Variants in SORCS3 observed in about 807,000 individuals in gnomAD.
SORCS3 encodes the protein VPS10 domain-containing receptor SorCS3.
Under a neutral mutation model 146.3 loss-of-function variants are expected in SORCS3, and 57 were observed. The ratio of observed to expected loss-of-function variants is 0.39; its 90% CI spans 0.31 to 0.49. The LOEUF (loss-of-function observed/expected upper bound fraction) is 0.49, where lower values mean the gene tolerates loss of function less well. SORCS3 is among the 20% of genes least tolerant of loss of function. The pLI is 0.92. For missense variants in SORCS3, 1,341 were observed against 1,575.5 expected (o/e 0.85, Z 2.52); for synonymous variants, 653 against 618.5 (o/e 1.06, Z -0.83).
chr10:104,828,609 A>G (rs1472668132), intron 1 of SORCS3, among the ~76,000 whole-genome samples: 1 of 152,150 alleles, frequency 6.6e-6, no homozygotes, highest in Non-Finnish European at 1.5e-5. Flanking sequence ...GCTGTTGGAA[A>G]CATGGTTCCA....
chr10:105,159,582 G>T (rs533589542), intron 11 of SORCS3, among the ~76,000 whole-genome samples: 136 of 152,324 alleles, frequency 8.9e-4, no homozygotes, highest in Admixed American at 8.9e-3. Flanking sequence ...AGTCTCCGGG[G>T]AGTATGCTCT....
chr10:104,802,981 C>T (rs568087003), intron 1 of SORCS3, among the ~76,000 whole-genome samples: 2 of 144,070 alleles, frequency 1.4e-5, no homozygotes, highest in East Asian at 4.2e-4. Context: ...GGAGGTAGTT[C>T]TGCTCCGCAA....
intron 5 of SORCS3, among the ~76,000 whole-genome samples, chr10:105,073,396 C>A (rs771140804): frequency 6.6e-6 from 1 of 152,178 alleles, no homozygotes; most frequent in Non-Finnish European, 1.5e-5. Context: ...ACGCTGGACA[C>A]AGGGTGTTCA....
At chr10:105,250,561 G>T (rs2119749051) in intron 22 of SORCS3, among the ~76,000 whole-genome samples, 1 of 152,212 alleles carries the variant, frequency 6.6e-6, no homozygotes, top group South Asian at 2.1e-4. Flanking sequence ...CCCTGACATT[G>T]TTCTTTCCTG....
chr10:105,090,170 G>T (rs761536445), intron 6 of SORCS3, among the ~76,000 whole-genome samples: 4 of 152,196 alleles, frequency 2.6e-5, no homozygotes, highest in Non-Finnish European at 5.9e-5. Context: ...ATGGCGAATT[G>T]CAAGGGCTGC....
intron 1 of SORCS3, among the ~76,000 whole-genome samples, chr10:104,838,377 C>T (rs1256216354): frequency 6.6e-6 from 1 of 152,112 alleles, no homozygotes; most frequent in Non-Finnish European, 1.5e-5. Context: ...TTCACTCCTC[C>T]CCAGTGGCGT....
intron 10 of SORCS3, 133 bp downstream of exon 10, chr10:105,157,417 G>A: frequency 9.6e-7 from 1 of 1,041,818 alleles, no homozygotes; most frequent in Non-Finnish European, 1.4e-6. Context: ...AAAACTTGCA[G>A]GGCATTGGTG....
intron 3 of SORCS3, among the ~76,000 whole-genome samples, chr10:104,919,382 A>G (rs1370877958): frequency 6.6e-6 from 1 of 150,446 alleles, no homozygotes; most frequent in Non-Finnish European, 1.5e-5. Flanking sequence ...TTTTTTTTAG[A>G]AAATAGCAAT....
chr10:104,767,968 GC>G (rs1485796805), intron 1 of SORCS3, among the ~76,000 whole-genome samples: 1 of 152,078 alleles, frequency 6.6e-6, no homozygotes, highest in African/African-American at 2.4e-5. Flanking sequence ...CCAGTACAGT[GC>G]ATACTAAGGG....
chr10:104,682,416 G>C (rs1021844984), intron 1 of SORCS3, among the ~76,000 whole-genome samples: 1 of 152,238 alleles, frequency 6.6e-6, no homozygotes, highest in Admixed American at 6.5e-5. Flanking sequence ...CCTGTAAAAA[G>C]GGGTTAATGA....
At chr10:105,119,170 C>A (rs114694454) in intron 7 of SORCS3, among the ~76,000 whole-genome samples, 13,129 of 152,196 alleles carry the variant, frequency 0.086, 690 homozygotes, top group Admixed American at 0.16. Flanking sequence ...TGAAAGGGAC[C>A]AATGTACAGC....
At chr10:104,642,022 G>GGGC in intron 1 of SORCS3, 68 bp downstream of exon 1, 4 of 173,336 alleles carry the variant, frequency 2.3e-5, no homozygotes, top group East Asian at 1.5e-4. Context: ...GGGTGGGTGG[G>GGGC]AGCGAGGGAC....
rs890031820 is a variant in SORCS3 at position 104,909,691 on chromosome 10, A to G, written c.696-6142A>G. Among the ~76,000 whole-genome samples the G allele has an allele frequency of 5.9e-5, 9 of 152,108 alleles. 2 individuals are homozygous for G. In the South Asian group the frequency reaches 1.7e-3, roughly 28 times the overall value. ...CCCCGTGAGAGCTGGCAGAGTGTCT[A>G]TCTCTGGCCAGAATGGGGCATTAGG... On this transcript the variant is annotated intron_variant, in intron 2 of 26. Coordinates refer to ENST00000369701, the MANE Select transcript of SORCS3 (RefSeq NM_014978.3).
chr10:104,936,357 A>G (rs560878676), intron 3 of SORCS3, among the ~76,000 whole-genome samples: 41 of 152,336 alleles, frequency 2.7e-4, no homozygotes, highest in African/African-American at 9.1e-4. Flanking sequence ...TGGAGGGGCC[A>G]GCTGTGAAAA....
At chr10:104,937,497 G>C (rs2019272168) in intron 3 of SORCS3, among the ~76,000 whole-genome samples, 1 of 152,218 alleles carries the variant, frequency 6.6e-6, no homozygotes. Flanking sequence ...CATAGAATAA[G>C]TGTTTTCAAG....
intron 2 of SORCS3, among the ~76,000 whole-genome samples, chr10:104,867,839 TG>T (rs769731809): frequency 3.3e-5 from 5 of 152,222 alleles, no homozygotes; most frequent in Non-Finnish European, 7.3e-5. Context: ...CATTTCAATG[TG>T]GTACAGAGAT....
intron 20 of SORCS3, among the ~76,000 whole-genome samples, chr10:105,226,699 T>C (rs1029729020): frequency 3.3e-5 from 5 of 151,906 alleles, no homozygotes; most frequent in African/African-American, 1.2e-4. Flanking sequence ...ACTTTTCTTT[T>C]TTGGGAGACT....
At chr10:104,934,057 G>T (rs1181795751) in intron 3 of SORCS3, among the ~76,000 whole-genome samples, 1 of 152,134 alleles carries the variant, frequency 6.6e-6, no homozygotes, top group Non-Finnish European at 1.5e-5. Flanking sequence ...CTCCCAAAGT[G>T]CTGGGATTAC....
intron 20 of SORCS3, 69 bp downstream of exon 20, chr10:105,223,318 GTCTATTAGGGGGCACTGAGAA>G: frequency 6.9e-7 from 1 of 1,445,040 alleles, no homozygotes; most frequent in Non-Finnish European, 9.3e-7. Context: ...GCTTTTATGT[GTCTATTAGGGGGCACTGAGAA>G]TGCAGGCAAT....
Sources: gnomAD v4.1 joint callset for allele counts (sites outside exome capture counted in the v4.1 genomes callset) on GRCh38, gnomAD v4.1.1 for gene constraint, MANE v1.5 for transcripts, NCBI Gene and HGNC (gene_info 2026-07-23, HGNC 2026-07-21) for gene names.